GIGYF2: variants seen among roughly 807,000 people sequenced by gnomAD.
GIGYF2 encodes the protein GRB10-interacting GYF protein 2.
A neutral mutation model predicts 208.1 loss-of-function variants in GIGYF2; 25 were observed. That is an observed-to-expected ratio of 0.12 (90% confidence interval 0.09 to 0.17). The LOEUF is 0.17. Ranked by LOEUF, GIGYF2 falls within the 10% of genes least tolerant of loss-of-function variation. The pLI, the probability that GIGYF2 is intolerant of heterozygous loss-of-function variation, is 1.00. For missense variants in GIGYF2, 1,302 were observed against 1,579.4 expected, an observed-to-expected ratio of 0.82 and a Z score of 2.98; for synonymous variants, 534 against 543.8, an observed-to-expected ratio of 0.98 and a Z score of 0.25.
intron 13 of GIGYF2, 117 bp downstream of exon 13, chr2:232,795,061 T>G: frequency 2.5e-6 from 2 of 794,468 alleles, no homozygotes; most frequent in East Asian, 5.0e-5. Flanking sequence ...CTGGAAAAAC[T>G]GGATATTTAG....
intron 3 of GIGYF2, among the ~76,000 whole-genome samples, chr2:232,738,467 C>G (rs1032272728): frequency 2.4e-4 from 37 of 152,142 alleles, no homozygotes; most frequent in African/African-American, 8.4e-4. Flanking sequence ...CTCTTCCTTG[C>G]TTAATTTTTC....
At chr2:232,710,544 A>G (rs1696342012) in intron 2 of GIGYF2, among the ~76,000 whole-genome samples, 1 of 152,224 alleles carries the variant, frequency 6.6e-6, no homozygotes, top group Non-Finnish European at 1.5e-5. Flanking sequence ...TTCTGTCTTC[A>G]TAGGCTTTAC....
intron 23 of GIGYF2, among the ~76,000 whole-genome samples, chr2:232,840,505 G>T (rs1701782166): frequency 1.3e-5 from 2 of 148,972 alleles, no homozygotes; most frequent in African/African-American, 5.0e-5. Context: ...TCATAGTTTG[G>T]TTCAGTATGC....
intron 14 of GIGYF2, among the ~76,000 whole-genome samples, chr2:232,804,154 T>C (rs1456972472): frequency 6.6e-6 from 1 of 152,176 alleles, no homozygotes; most frequent in Non-Finnish European, 1.5e-5. Context: ...TAAAAATTTT[T>C]AGGATAATTT....
chr2:232,748,293 T>C (rs1248211315), intron 4 of GIGYF2, among the ~76,000 whole-genome samples: 2 of 152,032 alleles, frequency 1.3e-5, no homozygotes, highest in African/African-American at 2.4e-5. Context: ...CCAATATACT[T>C]TTTTTTTGAG....
chr2:232,711,181 A>C (rs1203691779), intron 2 of GIGYF2, among the ~76,000 whole-genome samples: 1 of 150,334 alleles, frequency 6.7e-6, no homozygotes, highest in Non-Finnish European at 1.5e-5. Context: ...GGCTCCCTGA[A>C]ACCTCTGCCT....
At chr2:232,800,308 G>A (rs1300522432) in intron 14 of GIGYF2, among the ~76,000 whole-genome samples, 1 of 152,062 alleles carries the variant, frequency 6.6e-6, no homozygotes, top group Non-Finnish European at 1.5e-5. Flanking sequence ...TGAGTATGGT[G>A]TTAGGCAAGA....
intron 2 of GIGYF2, among the ~76,000 whole-genome samples, chr2:232,708,659 A>G (rs1215353752): frequency 7.9e-6 from 1 of 126,864 alleles, no homozygotes; most frequent in African/African-American, 3.1e-5. Context: ...ACATGGCAAA[A>G]CCTCATTTCT....
intron 14 of GIGYF2, among the ~76,000 whole-genome samples, chr2:232,801,394 A>G (rs1700395313): frequency 6.6e-6 from 1 of 152,064 alleles, no homozygotes; most frequent in African/African-American, 2.4e-5. Flanking sequence ...GCATGGTGGT[A>G]TGCACCTGTA....
At chr2:232,805,085 C>G (rs1045359164) in intron 14 of GIGYF2, among the ~76,000 whole-genome samples, 1 of 151,744 alleles carries the variant, frequency 6.6e-6, no homozygotes, top group African/African-American at 2.4e-5. Context: ...GCAGTATACA[C>G]TGAATATGAT....
intron 2 of GIGYF2, chr2:232,705,735 C>A: frequency 6.5e-6 from 1 of 153,546 alleles, no homozygotes; most frequent in Non-Finnish European, 1.4e-5. Context: ...TGGAGTTTCA[C>A]TCTTGTTGCC....
intron 5 of GIGYF2, among the ~76,000 whole-genome samples, chr2:232,755,059 A>AGGTG (rs1240006155): frequency 6.6e-6 from 1 of 152,254 alleles, no homozygotes; most frequent in African/African-American, 2.4e-5. Flanking sequence ...CTTCAAAAGA[A>AGGTG]GGTGGTATAG....
At chr2:232,812,093 C>T (rs984468588) in intron 17 of GIGYF2, among the ~76,000 whole-genome samples, 1 of 152,008 alleles carries the variant, frequency 6.6e-6, no homozygotes, top group African/African-American at 2.4e-5. Flanking sequence ...TTTTAAGATA[C>T]GGATATACAG....
chr2:232,708,424 T>C (rs1696230080), intron 2 of GIGYF2, among the ~76,000 whole-genome samples: 1 of 152,044 alleles, frequency 6.6e-6, no homozygotes, highest in South Asian at 2.1e-4. Flanking sequence ...AGTGACAATG[T>C]ACAAAATGAA....
At chr2:232,826,210 A>G (rs762155178) in intron 21 of GIGYF2, among the ~76,000 whole-genome samples, 4 of 152,234 alleles carry the variant, frequency 2.6e-5, no homozygotes, top group Non-Finnish European at 4.4e-5. Flanking sequence ...TCCTTTGGGT[A>G]TATACCCAGT....
intron 2 of GIGYF2, among the ~76,000 whole-genome samples, chr2:232,717,303 A>G (rs1258443914): frequency 6.6e-6 from 1 of 152,138 alleles, no homozygotes; most frequent in Non-Finnish European, 1.5e-5. Context: ...CAGTGTTGAG[A>G]CACTGTCTCT....
At chr2:232,698,730 C>G (rs989572836) in intron 1 of GIGYF2, among the ~76,000 whole-genome samples, 1 of 152,096 alleles carries the variant, frequency 6.6e-6, no homozygotes, top group Non-Finnish European at 1.5e-5. Flanking sequence ...AAAAGTGGCA[C>G]GTAACTGGAA....
chr2:232,766,043 T>C, intron 8 of GIGYF2: 1 of 469,856 alleles, frequency 2.1e-6, no homozygotes, highest in Non-Finnish European at 4.4e-6. Context: ...ATTTCCGCCC[T>C]TTTTCCATTG....
In GIGYF2 at chr2:232,711,705, G is replaced by GTGTA. The variant is rs147184549; in HGVS notation, c.-44+8217_-44+8218insGTAT. Among the ~76,000 whole-genome samples, 918 of 115,770 alleles carry GTGTA rather than the reference G, an allele frequency of 7.9e-3. 25 individuals carry two copies. Among genetic ancestry groups the GTGTA allele is most frequent in the African/African-American group, 0.027 (855 of 31,568 alleles). 75.9% of individuals were successfully genotyped at this position (115,770 alleles called of 152,430 possible). ...GAAGGAAAATTATCCTCACAATGATGTATATATATATATATATATATAGTT... is the reference window on the plus strand; with the variant it reads ...GAAGGAAAATTATCCTCACAATGATGTGTATATATATATATATATATATATAGTT... On this transcript the variant is annotated intron_variant, in intron 2 of 28. Transcript: ENST00000373563.
Sources: gnomAD v4.1 joint callset for allele counts (sites outside exome capture counted in the v4.1 genomes callset) on GRCh38, gnomAD v4.1.1 for gene constraint, MANE v1.5 for transcripts, NCBI Gene and HGNC (gene_info 2026-07-23, HGNC 2026-07-21) for gene names.